The following SPATA31C2 variants were observed in gnomAD, a reference collection of about 807,000 sequenced individuals.
The protein encoded by SPATA31C2 is SPATA31 subfamily C member 2, also known as spermatogenesis-associated protein 31C2.
SPATA31C2 carries 5 observed loss-of-function variants against 11.4 expected under a neutral mutation model. That is an observed-to-expected ratio of 0.44 (90% CI 0.23 to 0.92). SPATA31C2 has a LOEUF of 0.92. Ranked by LOEUF, SPATA31C2 falls within the 40% of genes least tolerant of loss-of-function variation. SPATA31C2 has a pLI of 0.24. For synonymous variants in SPATA31C2, 515 were observed against 538.7 expected, an observed-to-expected ratio of 0.96 and a Z score of 0.61; for missense variants, 1,353 against 1,368.6, an observed-to-expected ratio of 0.99 and a Z score of 0.18.
rs542174554 is a variant in SPATA31C2, at chr9:88,131,238, C to G, written c.1799G>C (p.Trp600Ser). The G allele has an allele frequency of 1.9e-5, 31 of 1,611,872 alleles. No homozygotes were observed. The Admixed American group carries it at 4.8e-4, about 25-fold the overall frequency. The change falls in exon 4 of 4, where the codon TGG (tryptophan) becomes TCG (serine). Residue 600 changes from tryptophan (W) to serine (S), a missense_variant. This residue lies in a region of SPATA31C2 where 1,075 missense variants were observed against 992.8 expected (regional missense o/e 1.08). Coordinates refer to ENST00000324915, the MANE Select transcript of SPATA31C2 (RefSeq NM_001350978.3). ...GGGAAAAGCCTGGTTGACAGCAAGC[C>G]AGGATCGACGCACACTCACGGGGAT... is the stretch of plus-strand genomic sequence containing the variant. ...GLIPVSVRRSWLAVNQAFPVS... is the reference protein window; with the variant it reads ...GLIPVSVRRSSLAVNQAFPVS...
chr9:88,129,997 T>A lies in SPATA31C2; in HGVS notation c.3040A>T (p.Lys1014Ter). The stretch of plus-strand genomic sequence containing the variant: ...GAAAAAATCGTCTGAAAAAATTGCT[T>A]GATGTTTTCTCCAAAGTGGCTTATT... Reference protein sequence around the residue: ...PSISHFGENIKQFFQTIFSKK... With the variant: ...PSISHFGENI The change falls in exon 4 of 4, where the codon AAG becomes TAG. Residue 1014 changes from lysine to a stop codon, truncating the protein, a stop_gained. Transcript: ENST00000324915. LOFTEE classifies it low-confidence loss of function (END_TRUNC). 1 of 1,608,860 alleles carries A rather than the reference T, an allele frequency of 6.2e-7. No homozygotes were observed. Among genetic ancestry groups the A allele is most frequent in the South Asian group, 1.1e-5 (1 of 91,010 alleles).
Position 88,132,191 on chromosome 9 carries a change from T to G in SPATA31C2, c.846A>C (p.Gln282His). The change falls in exon 4 of 4, where the codon CAA becomes CAC. Residue 282 changes from glutamine to histidine, a missense_variant. Transcript: ENST00000324915. ...GISGLGGSNS[Q>H]VSALSWSQET... Reference sequence around the variant, plus strand: ...CCTGCGACCAGGAGAGGGCAGAAACTTGACTGTTTGAGCCGCCAAGGCCTG... The same window carrying G: ...CCTGCGACCAGGAGAGGGCAGAAACGTGACTGTTTGAGCCGCCAAGGCCTG... 1 of 1,610,628 alleles carries G rather than the reference T, an allele frequency of 6.2e-7. No homozygotes were observed. Among genetic ancestry groups the G allele is most frequent in the Non-Finnish European group, 8.5e-7 (1 of 1,177,612 alleles).
At chr9:88,136,453 G>C (rs1267116179) in intron 1 of SPATA31C2, among the ~76,000 whole-genome samples, 14 of 144,614 alleles carry the variant, frequency 9.7e-5, no homozygotes, top group Admixed American at 7.5e-5. Flanking sequence ...CTCCTTGTCA[G>C]ATATGGTTTA....
intron 1 of SPATA31C2, among the ~76,000 whole-genome samples, chr9:88,133,871 G>A (rs1342877292): frequency 1.3e-5 from 2 of 152,092 alleles, no homozygotes; most frequent in Non-Finnish European, 2.9e-5. Flanking sequence ...GTCGGGTGCA[G>A]TGGCTCACGG....
Position 88,132,654 on chromosome 9 carries a change from G to A in SPATA31C2, c.383C>T (p.Pro128Leu), listed in dbSNP as rs771249551. The change falls in exon 4 of 4, where the codon CCG (proline) becomes CTG (leucine). Residue 128 changes from proline to leucine, a missense_variant. Pro to Leu is a moderately conservative substitution (Grantham distance 98). Around this residue, in one of 6 missense-constraint regions of SPATA31C2, gnomAD observed 1,075 missense variants for 992.8 expected, o/e 1.08. Transcript: ENST00000324915. Reference protein sequence around the residue: ...GDFGQLSGPDPPGEVGKRTPD... With the variant: ...GDFGQLSGPDLPGEVGKRTPD... ...TGTTCTTTTGCCCACCTCACCTGGC[G>A]GGTCTGGACCAGAGAGCTGACCAAA... 3.2e-5 allele frequency: 51 copies of A among 1,608,722 alleles called. No homozygotes were observed. Among genetic ancestry groups the A allele is most frequent in the African/African-American group, 8.1e-5 (6 of 74,126 alleles).
intron 1 of SPATA31C2, among the ~76,000 whole-genome samples, chr9:88,133,946 C>A (rs1825644487): frequency 1.3e-5 from 2 of 152,156 alleles, no homozygotes; most frequent in East Asian, 1.9e-4. Context: ...CACCTGAGGT[C>A]AAGAGTTTGA....
intron 1 of SPATA31C2, among the ~76,000 whole-genome samples, chr9:88,137,956 T>G (rs1825701965): frequency 8.9e-6 from 1 of 111,792 alleles, no homozygotes; most frequent in Non-Finnish European, 1.6e-5. Context: ...CTCCCCCGTC[T>G]CATGACCAGA....
At chr9:88,132,852 C>T in intron 3 of SPATA31C2, 114 bp downstream of exon 3, 3 of 1,302,232 alleles carry the variant, frequency 2.3e-6, no homozygotes, top group Non-Finnish European at 3.0e-6. Context: ...GGGCTTTACT[C>T]CCATCCTCTG....
At position 88,132,542 on chromosome 9, in the gene SPATA31C2, G is replaced by A. The variant is rs1233421069; in HGVS notation, c.495C>T (p.Thr165=). The change falls in exon 4 of 4, where the codon ACC becomes ACT. Residue 165 remains threonine, a synonymous_variant. Transcript: ENST00000324915. The part of the protein sequence containing the change: ...VSPLASPDPR[T]KHPQDLASTP... ...TGGAGGCCAGATCCTGAGGATGCTT[G>A]GTTCGAGGATCCGGGGAAGCTAACG... 7.4e-6 allele frequency: 12 copies of A among 1,610,784 alleles called. No homozygotes were observed. Among genetic ancestry groups the A allele is most frequent in the Non-Finnish European group, 1.0e-5 (12 of 1,177,864 alleles).
Position 88,131,268 on chromosome 9 carries a change from C to T in SPATA31C2, c.1769G>A (p.Gly590Asp). ...MSRKLGQTNE[G>D]LIPVSVRRSW... Reference sequence around the variant, plus strand: ...TCGACGCACACTCACGGGGATCAAGCCCTCGTTGGTCTGGCCCAACTTTCT... The same window carrying T: ...TCGACGCACACTCACGGGGATCAAGTCCTCGTTGGTCTGGCCCAACTTTCT... Residue 590 changes from glycine (G) to aspartate (D), a missense_variant, in exon 4 of 4, where the codon GGC becomes GAC. By Grantham distance (94) the Gly-to-Asp change is moderately conservative. Coordinates refer to ENST00000324915, the MANE Select transcript of SPATA31C2 (RefSeq NM_001350978.3). 4 of 1,611,862 alleles carry T rather than the reference C, an allele frequency of 2.5e-6. No homozygotes were observed. Among genetic ancestry groups the T allele is most frequent in the Non-Finnish European group, 3.4e-6 (4 of 1,179,868 alleles).
In SPATA31C2 at chr9:88,131,485, C is replaced by A. The variant is rs775142930; in HGVS notation, c.1552G>T (p.Gly518Trp). The A allele has an allele frequency of 6.2e-7, 1 of 1,611,716 alleles. No homozygotes were observed. The highest frequency in any genetic ancestry group is 1.3e-5 in the African/African-American group (1 of 74,804). Residue 518 changes from glycine (G) to tryptophan (W), a missense_variant, in exon 4 of 4, where the codon GGG becomes TGG. Physicochemically the swap from Gly to Trp is radical, Grantham distance 184. Transcript: ENST00000324915. ...TGTGGGGTCTCACCCAGAATTTGCC[C>A]CAGATGTGGGCATGGGTCCCTCTCT... The part of the protein sequence containing the change: ...QLERDPCPHL[G>W]QILGETPQNL...
chr9:88,137,860 C>T (rs1375040668), intron 1 of SPATA31C2, among the ~76,000 whole-genome samples: 1 of 96,524 alleles, frequency 1.0e-5, no homozygotes, highest in African/African-American at 7.3e-5. Context: ...GGCTGGGTCC[C>T]GAGCCACCTG....
rs1247345373 is a variant in SPATA31C2, at chr9:88,130,128, A to G, written c.2909T>C (p.Met970Thr). Reference sequence around the variant, plus strand: ...TTGAGGAGTCCTCAATCCTTGAAACATTTCTTCATGTTTTTCTAAGTTGGG... The same window carrying G: ...TTGAGGAGTCCTCAATCCTTGAAACGTTTCTTCATGTTTTTCTAAGTTGGG... ...RKPNLEKHEE[M>T]FQGLRTPQLT... Residue 970 changes from methionine (M) to threonine (T), a missense_variant, in exon 4 of 4, where the codon ATG (methionine) becomes ACG (threonine). Met to Thr is a moderately conservative substitution (Grantham distance 81). Coordinates refer to ENST00000324915, the MANE Select transcript of SPATA31C2 (RefSeq NM_001350978.3). 1.2e-6 allele frequency: 2 copies of G among 1,607,918 alleles called. No individual in the cohort carries two copies. The highest frequency in any genetic ancestry group is 3.3e-5 in the Admixed American group (2 of 59,740).
At chr9:88,136,470 G>C (rs544072558) in intron 1 of SPATA31C2, among the ~76,000 whole-genome samples, 21 of 145,842 alleles carry the variant, frequency 1.4e-4, no homozygotes, top group African/African-American at 5.1e-4. Context: ...TTTATCAGGT[G>C]TGGTTTGCAC....
intron 1 of SPATA31C2, among the ~76,000 whole-genome samples, chr9:88,136,230 G>A (rs1444922143): frequency 9.7e-5 from 14 of 145,070 alleles, no homozygotes; most frequent in African/African-American, 3.7e-4. Flanking sequence ...ACCGTGCCGG[G>A]CCTGCTGTCT....
At position 88,130,304 on chromosome 9, in the gene SPATA31C2, G is replaced by A. The variant is rs764498580; in HGVS notation, c.2733C>T (p.Asn911=). 530 of 1,608,930 alleles carry A rather than the reference G, an allele frequency of 3.3e-4. 1 individual carries two copies. The highest frequency in any genetic ancestry group is 4.3e-4 in the Non-Finnish European group (506 of 1,179,052). Residue 911 remains asparagine (N), a synonymous_variant, in exon 4 of 4, where the codon AAC becomes AAT. Coordinates refer to ENST00000324915, the MANE Select transcript of SPATA31C2 (RefSeq NM_001350978.3). ...QGHLQSMPTG[N]MQASQELCDL... is the part of the protein sequence containing the mutation. ...CACATAGCTCCTGGGAAGCCTGCATGTTCCCAGTAGGCATGCTCTGGAGAT... is the reference window on the plus strand; with the variant it reads ...CACATAGCTCCTGGGAAGCCTGCATATTCCCAGTAGGCATGCTCTGGAGAT...
In SPATA31C2 at chr9:88,131,849, G is replaced by T; in HGVS notation, c.1188C>A (p.His396Gln). 1 of 1,611,250 alleles carries T rather than the reference G, an allele frequency of 6.2e-7. No individual in the cohort carries two copies. Among genetic ancestry groups the T allele is most frequent in the Non-Finnish European group, 8.5e-7 (1 of 1,179,312 alleles). ...VQALSLPETQHPERPLLKKQL... is the reference protein window; with the variant it reads ...VQALSLPETQQPERPLLKKQL... ...GTTTCTTCAACAAAGGCCTTTCAGG[G>T]TGCTGAGTTTCAGGTAGGGAGAGAG... The change falls in exon 4 of 4, where the codon CAC becomes CAA. Residue 396 changes from histidine to glutamine, a missense_variant. Physicochemically the swap from His to Gln is conservative, Grantham distance 24. Transcript: ENST00000324915.
At chr9:88,136,499 CCT>C (rs1180850253) in intron 1 of SPATA31C2, among the ~76,000 whole-genome samples, 2 of 145,848 alleles carry the variant, frequency 1.4e-5, no homozygotes, top group African/African-American at 2.5e-5. Context: ...CAGTTTTTAC[CCT>C]GTCTTTATTA....
intron 1 of SPATA31C2, among the ~76,000 whole-genome samples, chr9:88,137,477 C>T (rs932806926): frequency 6.9e-6 from 1 of 144,960 alleles, no homozygotes; most frequent in East Asian, 2.0e-4. Context: ...CAAAAATTAG[C>T]CAGGCGTGGT....
Sources: gnomAD v4.1 joint callset for allele counts (sites outside exome capture counted in the v4.1 genomes callset) on GRCh38, gnomAD v4.1.1 for gene constraint, gnomAD v4.1.1 regional missense constraint, MANE v1.5 for transcripts, NCBI Gene and HGNC (gene_info 2026-07-23, HGNC 2026-07-21) for gene names.